Variants in ST7L observed in about 807,000 individuals in gnomAD.
ST7L encodes the protein suppression of tumorigenicity 7 like.
In ST7L, 57 loss-of-function variants were observed where a neutral mutation model predicts 72.5. The observed-to-expected ratio is 0.79, with a 90% CI of 0.64 to 0.98. ST7L has a LOEUF of 0.98. Among genes scored for constraint, ST7L ranks in the 50% least tolerant of loss-of-function variants. ST7L has a pLI of 0.00. For synonymous variants in ST7L, 221 were observed against 240.9 expected (o/e 0.92, Z 0.77); for missense variants, 576 against 672.2 (o/e 0.86, Z 1.58).
intron 4 of ST7L, among the ~76,000 whole-genome samples, chr1:112,598,669 G>A (rs1269660045): frequency 1.3e-5 from 2 of 151,430 alleles, no homozygotes; most frequent in East Asian, 3.9e-4. Context: ...CTGGAATGGA[G>A]CTAACATATG....
intron 3 of ST7L, among the ~76,000 whole-genome samples, chr1:112,607,847 T>TG (rs1668484946): frequency 1.3e-5 from 2 of 152,008 alleles, no homozygotes; most frequent in Non-Finnish European, 2.9e-5. Context: ...AGGTGGAAAA[T>TG]TCTAGCAAAG....
intron 11 of ST7L, among the ~76,000 whole-genome samples, chr1:112,556,532 T>C (rs1375794083): frequency 6.6e-6 from 1 of 152,214 alleles, no homozygotes; most frequent in Non-Finnish European, 1.5e-5. Context: ...TCAATTAAAT[T>C]CCTATTTACT....
chr1:112,587,707 A>G (rs980954447), intron 6 of ST7L, among the ~76,000 whole-genome samples: 4 of 152,252 alleles, frequency 2.6e-5, no homozygotes, highest in African/African-American at 7.2e-5. Flanking sequence ...CTTGTAATTT[A>G]ACTACTGTAG....
At chr1:112,605,582 C>T (rs571800589) in intron 3 of ST7L, among the ~76,000 whole-genome samples, 4 of 151,716 alleles carry the variant, frequency 2.6e-5, no homozygotes, top group African/African-American at 4.8e-5. Flanking sequence ...CCCAGCTACT[C>T]GGGAGGCTGA....
intron 3 of ST7L, among the ~76,000 whole-genome samples, chr1:112,609,055 G>A (rs547816815): frequency 5.9e-5 from 9 of 152,096 alleles, no homozygotes; most frequent in Non-Finnish European, 1.3e-4. Flanking sequence ...GCCCAGGAGC[G>A]ATGGCTCACA....
intron 14 of ST7L, among the ~76,000 whole-genome samples, chr1:112,534,328 C>T (rs1187599936): frequency 1.3e-5 from 2 of 152,108 alleles, no homozygotes; most frequent in Non-Finnish European, 2.9e-5. Flanking sequence ...TGTATCATGA[C>T]TAAAAGTAAT....
chr1:112,529,148 G>A (rs1180970627), intron 14 of ST7L: 5 of 144,702 alleles, frequency 3.5e-5, no homozygotes, highest in Admixed American at 2.1e-4. Flanking sequence ...GACCCAGTGT[G>A]GCACTGAGTG....
intron 11 of ST7L, among the ~76,000 whole-genome samples, chr1:112,573,475 A>G (rs1662514844): frequency 6.6e-6 from 1 of 152,134 alleles, no homozygotes; most frequent in South Asian, 2.1e-4. Flanking sequence ...TTGATGAAAT[A>G]AATTTTTAGA....
At chr1:112,618,769 AG>A (rs1670363269) in intron 1 of ST7L, 139 bp downstream of exon 1, 2 of 1,439,830 alleles carry the variant, frequency 1.4e-6, no homozygotes, top group South Asian at 1.5e-5. Context: ...GCAGCCCAAA[AG>A]AAAAAGAACT....
intron 3 of ST7L, among the ~76,000 whole-genome samples, chr1:112,606,499 C>T (rs1037480351): frequency 6.6e-6 from 1 of 152,208 alleles, no homozygotes; most frequent in African/African-American, 2.4e-5. Context: ...TGAGACCTCA[C>T]CAAACTGTCC....
intron 12 of ST7L, among the ~76,000 whole-genome samples, chr1:112,555,113 A>C (rs1254919140): frequency 6.6e-6 from 1 of 152,222 alleles, no homozygotes; most frequent in Non-Finnish European, 1.5e-5. Context: ...ATATACTTAA[A>C]ATAGTTAAAA....
At chr1:112,566,692 C>T (rs1219936909) in intron 11 of ST7L, among the ~76,000 whole-genome samples, 1 of 152,160 alleles carries the variant, frequency 6.6e-6, no homozygotes, top group African/African-American at 2.4e-5. Context: ...TTCATTTCTA[C>T]CACCACAGAT....
intron 6 of ST7L, among the ~76,000 whole-genome samples, chr1:112,586,393 C>A (rs1224851843): frequency 6.6e-6 from 1 of 151,906 alleles, no homozygotes; most frequent in African/African-American, 2.4e-5. Context: ...ATGAAGCTAT[C>A]ATCCTACCAC....
At chr1:112,536,498 G>C (rs1026442159) in intron 14 of ST7L, among the ~76,000 whole-genome samples, 1 of 152,078 alleles carries the variant, frequency 6.6e-6, no homozygotes, top group South Asian at 2.1e-4. Flanking sequence ...TCACTTTTCA[G>C]TAAAAGACAC....
chr1:112,619,256 G>A, upstream of ST7L: 2 of 749,698 alleles, frequency 2.7e-6, no homozygotes, highest in Non-Finnish European at 4.3e-6. Flanking sequence ...AGATTTCGAA[G>A]GTGGAGGAGC....
intron 14 of ST7L, chr1:112,540,968 T>A: frequency 1.4e-6 from 1 of 736,830 alleles, no homozygotes; most frequent in Non-Finnish European, 2.0e-6. Context: ...TTTGAGCCAG[T>A]GACATTAATA....
At chr1:112,540,216 C>A in intron 14 of ST7L, 6 of 985,390 alleles carry the variant, frequency 6.1e-6, no homozygotes, top group Non-Finnish European at 7.2e-6. Context: ...ATTTCACTTC[C>A]TTCCCACTCC....
intron 11 of ST7L, among the ~76,000 whole-genome samples, chr1:112,561,139 T>C (rs1180110925): frequency 2.6e-5 from 4 of 152,002 alleles, no homozygotes; most frequent in Non-Finnish European, 5.9e-5. Flanking sequence ...CTAAGAAGAA[T>C]ATAAAAGATT....
At chr1:112,582,310 C>A in intron 8 of ST7L, 65 bp downstream of exon 8, 1 of 1,204,242 alleles carries the variant, frequency 8.3e-7, no homozygotes, top group Non-Finnish European at 1.2e-6. Flanking sequence ...AAATAACTGG[C>A]AACTTAACTA....
Sources: allele counts gnomAD v4.1 joint callset (sites outside exome capture counted in the v4.1 genomes callset), GRCh38; gene constraint gnomAD v4.1.1; transcripts MANE v1.5; gene names NCBI Gene and HGNC (gene_info 2026-07-23, HGNC 2026-07-21).